Variants in ASIC2 observed in about 807,000 individuals in gnomAD.
The protein encoded by ASIC2 is acid-sensing ion channel 2.
Under a neutral mutation model 57.3 loss-of-function variants are expected in ASIC2, and 25 were observed. The observed-to-expected ratio is 0.44, with a 90% confidence interval of 0.32 to 0.61. ASIC2 has a LOEUF of 0.61. Among genes scored for constraint, ASIC2 ranks in the 20% least tolerant of loss-of-function variants. The probability of loss-of-function intolerance (pLI) is 0.06; values close to 1 mark genes in which losing one functional copy is unlikely to be tolerated. For missense variants in ASIC2, 641 were observed against 738.1 expected (o/e 0.87, Z 1.52); for synonymous variants, 319 against 307.5 (o/e 1.04, Z -0.39).
At chr17:33,014,550 T>C (rs1023996139) in intron 9 of ASIC2, among the ~76,000 whole-genome samples, 3 of 151,896 alleles carry the variant, frequency 2.0e-5, no homozygotes, top group Admixed American at 2.0e-4. Context: ...CCAAGGACTT[T>C]TAGGGTTAAG....
intron 1 of ASIC2, among the ~76,000 whole-genome samples, chr17:33,627,952 C>T (rs1263080954): frequency 1.3e-5 from 2 of 152,032 alleles, no homozygotes; most frequent in Non-Finnish European, 2.9e-5. Context: ...ATGGCGTGAA[C>T]CTGGGAGGCG....
At chr17:34,065,709 G>A (rs574889182) in intron 1 of ASIC2, among the ~76,000 whole-genome samples, 1 of 152,220 alleles carries the variant, frequency 6.6e-6, no homozygotes, top group South Asian at 2.1e-4. Context: ...CTTGATCATT[G>A]CATTCTGAGG....
rs142638006 is a variant in ASIC2 at position 33,959,141 on chromosome 17, C to G, written c.555+196837G>C. On this transcript the variant is annotated intron_variant, in intron 1 of 9. Transcript: ENST00000359872. The stretch of plus-strand genomic sequence containing the variant: ...CCATTCAACAAGACTCTAGGAAGTT[C>G]CAAACTTTCCCACATTTTCATGTCT... Among the ~76,000 whole-genome samples the G allele has an allele frequency of 2.2e-3, 339 of 152,268 alleles. 1 individual carries two copies. Among genetic ancestry groups the G allele is most frequent in the African/African-American group, 7.5e-3 (312 of 41,540 alleles).
chr17:33,750,859 C>T (rs1350023529), intron 1 of ASIC2, among the ~76,000 whole-genome samples: 1 of 152,102 alleles, frequency 6.6e-6, no homozygotes, highest in African/African-American at 2.4e-5. Flanking sequence ...GGGGGTGATT[C>T]ATCTTTCTAA....
intron 1 of ASIC2, among the ~76,000 whole-genome samples, chr17:33,721,478 G>A (rs1398060021): frequency 6.6e-6 from 1 of 152,176 alleles, no homozygotes; most frequent in Non-Finnish European, 1.5e-5. Flanking sequence ...AAACCCCCAG[G>A]TCTGTGCTTG....
At chr17:33,610,758 G>A (rs887389540) in intron 1 of ASIC2, among the ~76,000 whole-genome samples, 6 of 152,084 alleles carry the variant, frequency 3.9e-5, no homozygotes, top group Admixed American at 6.5e-5. Flanking sequence ...TTAACCAGGC[G>A]TGGTGGTACA....
At chr17:33,760,550 T>C (rs1910749426) in intron 1 of ASIC2, among the ~76,000 whole-genome samples, 1 of 151,978 alleles carries the variant, frequency 6.6e-6, no homozygotes. Context: ...TAGATTTATA[T>C]ATAAACAAAC....
At chr17:33,389,764 C>T (rs1263804306) in intron 1 of ASIC2, among the ~76,000 whole-genome samples, 8 of 152,288 alleles carry the variant, frequency 5.3e-5, no homozygotes, top group East Asian at 1.9e-4. Flanking sequence ...GCATGCATTC[C>T]TGAAAATCCT....
intron 1 of ASIC2, among the ~76,000 whole-genome samples, chr17:33,943,692 T>TAAAA (rs3071252): frequency 0.01 from 1,230 of 119,750 alleles, 16 homozygotes; most frequent in South Asian, 0.016. Flanking sequence ...ATGATAATAG[T>TAAAA]AAAAAAAAAA....
At chr17:33,475,496 T>C (rs913845307) in intron 1 of ASIC2, among the ~76,000 whole-genome samples, 2 of 152,236 alleles carry the variant, frequency 1.3e-5, no homozygotes, top group African/African-American at 4.8e-5. Context: ...TCTTGCTTTT[T>C]GCACTCAACG....
intron 1 of ASIC2, among the ~76,000 whole-genome samples, chr17:33,506,808 C>T (rs926240169): frequency 6.6e-6 from 1 of 152,200 alleles, no homozygotes; most frequent in African/African-American, 2.4e-5. Flanking sequence ...AATAAAAAAA[C>T]ACCTCACCCT....
chr17:33,434,971 G>T (rs1911556659), intron 1 of ASIC2, among the ~76,000 whole-genome samples: 1 of 152,078 alleles, frequency 6.6e-6, no homozygotes, highest in South Asian at 2.1e-4. Flanking sequence ...CTGTTGAGTA[G>T]GTAATGTGAG....
At chr17:33,738,988 C>T (rs988293667) in intron 1 of ASIC2, among the ~76,000 whole-genome samples, 1 of 152,198 alleles carries the variant, frequency 6.6e-6, no homozygotes, top group Non-Finnish European at 1.5e-5. Context: ...CACGATGATT[C>T]TTTTGTCCTG....
intron 1 of ASIC2, among the ~76,000 whole-genome samples, chr17:34,129,974 A>G (rs1050583585): frequency 7.2e-5 from 11 of 152,242 alleles, no homozygotes; most frequent in Non-Finnish European, 1.3e-4. Context: ...CCAGTGGAGC[A>G]GGAAGTACTG....
intron 1 of ASIC2, among the ~76,000 whole-genome samples, chr17:33,475,768 C>G (rs1252580904): frequency 1.3e-5 from 2 of 152,192 alleles, no homozygotes; most frequent in Non-Finnish European, 2.9e-5. Context: ...GCGGCCTTAT[C>G]TGAAACAGAA....
At chr17:33,527,008 G>T (rs577645544) in intron 1 of ASIC2, among the ~76,000 whole-genome samples, 1 of 152,346 alleles carries the variant, frequency 6.6e-6, no homozygotes, top group African/African-American at 2.4e-5. Context: ...TATTTCGGGG[G>T]TGATGCTGGG....
At chr17:33,560,271 A>C (rs956733771) in intron 1 of ASIC2, among the ~76,000 whole-genome samples, 3 of 152,228 alleles carry the variant, frequency 2.0e-5, no homozygotes, top group Admixed American at 6.5e-5. Context: ...GATCGATAGC[A>C]AGCATACCAC....
intron 1 of ASIC2, chr17:33,834,067 C>A (rs1913195859): frequency 6.6e-6 from 1 of 152,166 alleles, no homozygotes; most frequent in African/African-American, 2.4e-5. Flanking sequence ...TCTCAATAAA[C>A]AACTAAATAA....
chr17:33,421,983 A>T (rs1270300514), intron 1 of ASIC2, among the ~76,000 whole-genome samples: 2 of 152,150 alleles, frequency 1.3e-5, no homozygotes, highest in African/African-American at 4.8e-5. Context: ...ACAGACCTCG[A>T]CTTGGAATGT....
Sources: allele counts gnomAD v4.1 joint callset (sites outside exome capture counted in the v4.1 genomes callset), GRCh38; gene constraint gnomAD v4.1.1; transcripts MANE v1.5; gene names NCBI Gene and HGNC (gene_info 2026-07-23, HGNC 2026-07-21).